COL19A1: variants seen among roughly 807,000 people sequenced by gnomAD.
The protein encoded by COL19A1 is collagen type XIX alpha 1 chain.
A neutral mutation model predicts 190.2 loss-of-function variants in COL19A1; 159 were observed. The observed-to-expected ratio is 0.84, with a 90% confidence interval of 0.73 to 0.95. The LOEUF is 0.95. Among genes scored for constraint, COL19A1 ranks in the 40% least tolerant of loss-of-function variants. The pLI is 0.00. For missense variants in COL19A1, 1,418 were observed against 1,431.9 expected (o/e 0.99, Z 0.16); for synonymous variants, 509 against 458.9 (o/e 1.11, Z -1.39).
chr6:69,954,558 C>A, intron 9 of COL19A1, among the ~76,000 whole-genome samples: 1 of 152,042 alleles, frequency 6.6e-6, no homozygotes, highest in South Asian at 2.1e-4. Flanking sequence ...ACAAGGGAAT[C>A]TCTTCTTTGC....
At chr6:70,148,788 G>A (rs1014322127) in intron 27 of COL19A1, among the ~76,000 whole-genome samples, 3 of 152,042 alleles carry the variant, frequency 2.0e-5, no homozygotes, top group Non-Finnish European at 4.4e-5. Flanking sequence ...TTAGCCAAAC[G>A]TGGTGGTGGG....
At chr6:70,175,143 C>T (rs1562244703) in intron 41 of COL19A1, among the ~76,000 whole-genome samples, 2 of 152,040 alleles carry the variant, frequency 1.3e-5, no homozygotes, top group Non-Finnish European at 2.9e-5. Context: ...TGTCCTTTAC[C>T]CATTTTTCTA....
rs75497739 is a variant in COL19A1, at chr6:70,152,385, G to A, written c.2079+947G>A. On this transcript the variant is annotated intron_variant, in intron 31 of 50. Coordinates refer to ENST00000620364, the MANE Select transcript of COL19A1 (RefSeq NM_001858.6). ...ATTGAATTCAAAAGACTCGAGTTCC[G>A]GCATATACATTTGTAAGGTAGAGTT... 6.7e-4 allele frequency among the ~76,000 whole-genome samples: 102 copies of A among 151,924 alleles called. No individual in the cohort carries two copies. The East Asian group carries it at 0.016, about 24-fold the overall frequency.
At chr6:70,130,482 T>G (rs1017768256) in intron 18 of COL19A1, among the ~76,000 whole-genome samples, 1 of 152,242 alleles carries the variant, frequency 6.6e-6, no homozygotes, top group African/African-American at 2.4e-5. Context: ...TGCCTCAGCC[T>G]CCCAAAGTTA....
intron 16 of COL19A1, among the ~76,000 whole-genome samples, chr6:70,119,885 G>T (rs928588682): frequency 1.3e-5 from 2 of 152,208 alleles, no homozygotes; most frequent in African/African-American, 4.8e-5. Flanking sequence ...GAGGTCAGGA[G>T]TTCAAGACCA....
chr6:69,871,963 C>G (rs1341908466), intron 1 of COL19A1, among the ~76,000 whole-genome samples: 1 of 151,906 alleles, frequency 6.6e-6, no homozygotes, highest in Admixed American at 6.6e-5. Flanking sequence ...ACTACAGGTG[C>G]CTGTCACCAC....
intron 16 of COL19A1, among the ~76,000 whole-genome samples, chr6:70,102,947 T>G (rs1034122933): frequency 5.9e-5 from 9 of 152,168 alleles, no homozygotes; most frequent in African/African-American, 2.2e-4. Context: ...ATTCTGTTGG[T>G]TTAGCAACAT....
Position 70,211,046 on chromosome 6 carries a change from A to AAT in COL19A1, c.*3772_*3773insAT, listed in dbSNP as rs201422576. Among the ~76,000 whole-genome samples the AAT allele has an allele frequency of 9.3e-5, 12 of 128,750 alleles. No homozygotes were observed. Among genetic ancestry groups the AAT allele is most frequent in the Non-Finnish European group, 2.0e-4 (12 of 59,016 alleles). 84.5% of individuals were successfully genotyped at this position (128,750 alleles called of 152,430 possible). A position where few individuals can be genotyped will look rare whatever the true frequency, so the allele number is the denominator to read the frequency against. On this transcript the variant is annotated 3_prime_UTR_variant, in exon 51 of 51. Coordinates refer to ENST00000620364, the MANE Select transcript of COL19A1 (RefSeq NM_001858.6). ...ATCCTACTTTTTAGACAGGACAGAT[A>AAT]CTCTCAACAGACAAGAAAAAAGATT...
At chr6:70,060,572 A>G (rs1042154487) in intron 14 of COL19A1, among the ~76,000 whole-genome samples, 1 of 152,040 alleles carries the variant, frequency 6.6e-6, no homozygotes, top group African/African-American at 2.4e-5. Flanking sequence ...TCATAAGAGC[A>G]TGAACCCTAT....
At chr6:70,121,857 T>A (rs71559573) in intron 16 of COL19A1, 23 bp from the exon 17 acceptor site, 2 of 1,451,482 alleles carry the variant, frequency 1.4e-6, no homozygotes, top group Non-Finnish European at 1.9e-6. Context: ...TATATATTTG[T>A]CTTTGATTTG....
intron 40 of COL19A1, 45 bp from the exon 41 acceptor site, chr6:70,171,919 C>T (rs372154134): frequency 1.3e-6 from 2 of 1,593,070 alleles, no homozygotes; most frequent in Non-Finnish European, 8.6e-7. Context: ...TGCTTAAAAA[C>T]ATTTTGATTA....
intron 15 of COL19A1, chr6:70,098,638 C>T (rs1372156716): frequency 1.2e-5 from 4 of 347,708 alleles, no homozygotes; most frequent in Non-Finnish European, 2.2e-5. Context: ...ACAATGTGTG[C>T]GTCTTACTGC....
Position 69,879,578 on chromosome 6 carries a change from C to A in COL19A1, c.11C>A (p.Thr4Asn). Residue 4 changes from threonine to asparagine, a missense_variant, in exon 2 of 51, where the codon ACT becomes AAT. Transcript: ENST00000620364. Reference sequence around the variant, plus strand: ...TGGTTTCAAGGCACAATGAGACTCACTGGCCCTTGGAAACTTTGGCTTTGG... The same window carrying A: ...TGGTTTCAAGGCACAATGAGACTCAATGGCCCTTGGAAACTTTGGCTTTGG... MRL[T>N]GPWKLWLWMS... The A allele has an allele frequency of 6.2e-7, 1 of 1,614,016 alleles. No homozygotes were observed.
intron 9 of COL19A1, among the ~76,000 whole-genome samples, chr6:69,941,550 T>G (rs1773466694): frequency 6.6e-6 from 1 of 152,316 alleles, no homozygotes; most frequent in South Asian, 2.1e-4. Context: ...CACATGCTAC[T>G]TGTGGTAAAT....
rs1011619117 is a variant in COL19A1, at chr6:70,109,226, A to G, written c.1278+7004A>G. On this transcript the variant is annotated intron_variant, in intron 16 of 50. Transcript: ENST00000620364. ...TTTGGAAGGAGGAGATGTTCTTCTC[A>G]TTACCATCTAATTGAGGTGGTCCAG... Among the ~76,000 whole-genome samples, 4 of 152,242 alleles carry G rather than the reference A, an allele frequency of 2.6e-5. No homozygotes were observed. In the East Asian group the frequency reaches 7.7e-4, roughly 29 times the overall value.
chr6:70,119,119 C>T (rs1298794056), intron 16 of COL19A1, among the ~76,000 whole-genome samples: 1 of 152,156 alleles, frequency 6.6e-6, no homozygotes, highest in Non-Finnish European at 1.5e-5. Context: ...TGCTTCTTTT[C>T]CTTACTGCCT....
At chr6:69,923,830 T>A (rs1350166845) in intron 4 of COL19A1, among the ~76,000 whole-genome samples, 1 of 152,164 alleles carries the variant, frequency 6.6e-6, no homozygotes, top group Non-Finnish European at 1.5e-5. Context: ...CCTGAACATT[T>A]AAGGTATTTT....
chr6:69,970,199 G>T (rs1160489661), intron 11 of COL19A1, among the ~76,000 whole-genome samples: 1 of 152,110 alleles, frequency 6.6e-6, no homozygotes, highest in Non-Finnish European at 1.5e-5. Flanking sequence ...ATTAACAGTA[G>T]AGTAGAAAGA....
chr6:70,034,471 G>C (rs543905680), intron 13 of COL19A1, among the ~76,000 whole-genome samples, 173 bp downstream of exon 13: 1 of 152,258 alleles, frequency 6.6e-6, no homozygotes, highest in South Asian at 2.1e-4. Flanking sequence ...TAATTAGTTT[G>C]AAAAGACTAA....
Sources: gnomAD v4.1 joint callset for allele counts (sites outside exome capture counted in the v4.1 genomes callset) on GRCh38, gnomAD v4.1.1 for gene constraint, MANE v1.5 for transcripts, NCBI Gene and HGNC (gene_info 2026-07-23, HGNC 2026-07-21) for gene names.